Variants in TNRC6B observed in about 807,000 individuals in gnomAD.
TNRC6B encodes trinucleotide repeat-containing gene 6B protein.
TNRC6B carries 52 observed loss-of-function variants against 203.6 expected under a neutral mutation model. That is an observed-to-expected ratio of 0.26 (90% CI 0.20 to 0.32). The LOEUF is 0.32. Ranked by LOEUF, TNRC6B falls within the 10% of genes least tolerant of loss-of-function variation. TNRC6B has a pLI of 1.00. For synonymous variants in TNRC6B, 838 were observed against 845.7 expected, an observed-to-expected ratio of 0.99 and a Z score of 0.16; for missense variants, 1,923 against 2,286.2, an observed-to-expected ratio of 0.84 and a Z score of 3.24.
Position 40,312,656 on chromosome 22 carries a change from T to G in TNRC6B, c.4582+5T>G, listed in dbSNP as rs2071200683. On this transcript the variant is annotated splice_donor_5th_base_variant and intron_variant, in intron 18 of 22. Transcript: ENST00000454349. Reference sequence around the variant, plus strand: ...TGCTGCGGGATAACACCACAGGTACTTGAGCAAAGCATCTCTTATATGTTC... The same window carrying G: ...TGCTGCGGGATAACACCACAGGTACGTGAGCAAAGCATCTCTTATATGTTC... 1.2e-6 allele frequency: 2 copies of G among 1,607,748 alleles called. No homozygotes were observed. Among genetic ancestry groups the G allele is most frequent in the Non-Finnish European group, 8.5e-7 (1 of 1,177,768 alleles).
At chr22:40,272,447 G>C (rs972849305) in intron 6 of TNRC6B, among the ~76,000 whole-genome samples, 1 of 152,168 alleles carries the variant, frequency 6.6e-6, no homozygotes, top group Non-Finnish European at 1.5e-5. Flanking sequence ...CCAATTTTCT[G>C]CCCTTAAACT....
intron 1 of TNRC6B, among the ~76,000 whole-genome samples, chr22:40,109,720 T>A (rs991887019): frequency 1.3e-5 from 2 of 152,252 alleles, no homozygotes; most frequent in Non-Finnish European, 2.9e-5. Context: ...GAGAATCACC[T>A]GCTTCAAATC....
At chr22:40,194,253 G>A (rs1418687155) in intron 1 of TNRC6B, among the ~76,000 whole-genome samples, 2 of 152,220 alleles carry the variant, frequency 1.3e-5, no homozygotes, top group African/African-American at 2.4e-5. Context: ...GGTAAACCCC[G>A]GGCAGAGCAT....
At chr22:40,093,791 C>T (rs1352288581) in intron 1 of TNRC6B, among the ~76,000 whole-genome samples, 1 of 152,104 alleles carries the variant, frequency 6.6e-6, no homozygotes, top group Non-Finnish European at 1.5e-5. Flanking sequence ...TGTTGTTTAA[C>T]TTCTCCGTTT....
intron 1 of TNRC6B, among the ~76,000 whole-genome samples, chr22:40,180,470 T>C (rs1218769495): frequency 6.6e-6 from 1 of 152,220 alleles, no homozygotes; most frequent in African/African-American, 2.4e-5. Flanking sequence ...GAAATGTTTT[T>C]TATAAATATT....
At chr22:40,316,213 G>A (rs1267693666) in intron 21 of TNRC6B, among the ~76,000 whole-genome samples, 1 of 152,102 alleles carries the variant, frequency 6.6e-6, no homozygotes, top group Non-Finnish European at 1.5e-5. Context: ...AATTAGCTGA[G>A]CATGGTGGCG....
intron 12 of TNRC6B, among the ~76,000 whole-genome samples, chr22:40,292,251 G>T (rs2070878390): frequency 1.3e-5 from 2 of 152,012 alleles, no homozygotes; most frequent in Non-Finnish European, 2.9e-5. Flanking sequence ...TGCTCAGGAG[G>T]CTGAGGCAGG....
chr22:40,231,319 G>A (rs2069866469), intron 1 of TNRC6B, among the ~76,000 whole-genome samples: 1 of 152,096 alleles, frequency 6.6e-6, no homozygotes, highest in South Asian at 2.1e-4. Context: ...AGATTTCGTT[G>A]AATCTAAATT....
chr22:40,154,879 A>G (rs1442163247), intron 3 of TNRC6B, among the ~76,000 whole-genome samples: 2 of 68,724 alleles, frequency 2.9e-5, no homozygotes, highest in East Asian at 3.1e-4. Context: ...ATATATATAT[A>G]TATATATATA....
In TNRC6B at chr22:40,315,425, C is replaced by T; in HGVS notation, c.4821C>T (p.Asn1607=). The T allele has an allele frequency of 1.2e-6, 2 of 1,614,010 alleles. No homozygotes were observed. The highest frequency in any genetic ancestry group is 8.5e-7 in the Non-Finnish European group (1 of 1,179,888). ...PLPRPPPGLT[N]PKPSSPWSST... is the part of the protein sequence containing the mutation. ...CCCGCCCACCTCCTGGTCTGACCAA[C>T]CCCAAACCATCATCTCCCTGGAGCA... The change falls in exon 20 of 23, where the codon AAC becomes AAT. Residue 1607 remains asparagine (N), a synonymous_variant. Transcript: ENST00000454349.
At chr22:40,208,111 C>CAAAAAAAAAAAAA (rs905832467) in intron 1 of TNRC6B, among the ~76,000 whole-genome samples, 1 of 74,914 alleles carries the variant, frequency 1.3e-5, no homozygotes, top group Non-Finnish European at 3.4e-5. Context: ...GACTCCATCT[C>CAAAAAAAAAAAAA]AAAAAAAAAA....
At chr22:40,058,175 A>G (rs1179526568) in intron 1 of TNRC6B, among the ~76,000 whole-genome samples, 1 of 152,228 alleles carries the variant, frequency 6.6e-6, no homozygotes, top group Non-Finnish European at 1.5e-5. Context: ...TTTATGCCCC[A>G]TACCCCAGTA....
chr22:40,173,106 G>A (rs971148057), upstream of TNRC6B, among the ~76,000 whole-genome samples: 59 of 151,960 alleles, frequency 3.9e-4, no homozygotes, highest in Middle Eastern at 3.2e-3. Flanking sequence ...ACAAAATATA[G>A]TTTTTGGTTT....
At chr22:40,188,153 G>A (rs1818196722) in intron 1 of TNRC6B, among the ~76,000 whole-genome samples, 1 of 152,088 alleles carries the variant, frequency 6.6e-6, no homozygotes, top group South Asian at 2.1e-4. Flanking sequence ...AGGTTGCAGT[G>A]AGCTGAGATC....
chr22:40,046,941 G>A (rs1242228794), intron 1 of TNRC6B, among the ~76,000 whole-genome samples: 1 of 152,120 alleles, frequency 6.6e-6, no homozygotes. Flanking sequence ...CACCGCGCCC[G>A]GCCTTAAAAA....
intron 1 of TNRC6B, among the ~76,000 whole-genome samples, chr22:40,059,749 C>T (rs1471652461): frequency 6.7e-6 from 1 of 150,272 alleles, no homozygotes; most frequent in African/African-American, 2.4e-5. Context: ...ATTATTTTGA[C>T]TGACTTTTGA....
In TNRC6B at chr22:40,266,004, T is replaced by C; in HGVS notation, c.1774T>C (p.Ser592Pro). The C allele has an allele frequency of 6.2e-7, 1 of 1,613,822 alleles. No homozygotes were observed. Among genetic ancestry groups the C allele is most frequent in the Non-Finnish European group, 8.5e-7 (1 of 1,179,884 alleles). ...TGACAGTCATAACTCTGGCCGTCGG[T>C]CGTACAGGCCCACACATCCTGATTG... ...SSDSHNSGRR[S>P]YRPTHPDCQA... is the part of the protein sequence containing the mutation. The change falls in exon 5 of 23, where the codon TCG becomes CCG. Residue 592 changes from serine to proline, a missense_variant. Ser to Pro is a moderately conservative substitution (Grantham distance 74). Coordinates refer to ENST00000454349, the MANE Select transcript of TNRC6B (RefSeq NM_001162501.2).
Position 40,084,707 on chromosome 22 carries a change from C to T in TNRC6B, c.-120-32348C>T, listed in dbSNP as rs78461647. Among the ~76,000 whole-genome samples the T allele has an allele frequency of 7.7e-3, 1,171 of 152,208 alleles. 10 individuals carry two copies. The highest frequency in any genetic ancestry group is 0.026 in the African/African-American group (1,073 of 41,526). ...TAAAGGCTCTGAAATAGGTACAAAT[C>T]CCTCACCTTTGAGGAGAAGGAGGAG... On this transcript the variant is annotated intron_variant, in intron 1 of 23. Coordinates refer to the TNRC6B transcript ENST00000301923.
intron 3 of TNRC6B, among the ~76,000 whole-genome samples, chr22:40,252,444 T>C (rs1488310735): frequency 6.6e-6 from 1 of 152,230 alleles, no homozygotes; most frequent in East Asian, 1.9e-4. Flanking sequence ...TGTTTTGTTT[T>C]GTTGGACTAC....
Sources: allele counts gnomAD v4.1 joint callset (sites outside exome capture counted in the v4.1 genomes callset), GRCh38; gene constraint gnomAD v4.1.1; transcripts MANE v1.5; gene names NCBI Gene and HGNC (gene_info 2026-07-23, HGNC 2026-07-21).